The following ERBB4 variants were observed in gnomAD, a reference collection of about 807,000 sequenced individuals.
The protein encoded by ERBB4 is erb-b2 receptor tyrosine kinase 4, also known as receptor tyrosine-protein kinase erbB-4.
ERBB4 carries 42 observed loss-of-function variants against 158.0 expected under a neutral mutation model. That is an observed-to-expected ratio of 0.27 (90% CI 0.21 to 0.34). The LOEUF (loss-of-function observed/expected upper bound fraction) is 0.34, where lower values mean the gene tolerates loss of function less well. ERBB4 is among the 10% of genes least tolerant of loss of function. The pLI is 1.00. For missense variants in ERBB4, 1,333 were observed against 1,624.1 expected (o/e 0.82, Z 3.08); for synonymous variants, 583 against 558.7 (o/e 1.04, Z -0.61).
At chr2:211,823,994 G>C (rs1473928304) in intron 3 of ERBB4, among the ~76,000 whole-genome samples, 1 of 151,978 alleles carries the variant, frequency 6.6e-6, no homozygotes, top group Non-Finnish European at 1.5e-5. Context: ...TTACGACCAA[G>C]ACCAGCTTTG....
intron 16 of ERBB4, among the ~76,000 whole-genome samples, chr2:211,650,087 G>T (rs1418889556): frequency 6.6e-6 from 1 of 151,844 alleles, no homozygotes; most frequent in Non-Finnish European, 1.5e-5. Context: ...ATCACAGAAG[G>T]GGGTCTCAGT....
At chr2:211,598,512 T>TG (rs1311133772) in intron 19 of ERBB4, among the ~76,000 whole-genome samples, 4 of 152,122 alleles carry the variant, frequency 2.6e-5, no homozygotes, top group Non-Finnish European at 5.9e-5. Flanking sequence ...TATGTTAAAC[T>TG]GGGGTATGTT....
chr2:211,609,992 A>C (rs2069131821), intron 19 of ERBB4, among the ~76,000 whole-genome samples: 1 of 152,190 alleles, frequency 6.6e-6, no homozygotes, highest in Non-Finnish European at 1.5e-5. Flanking sequence ...ACGATCATAA[A>C]AAATTTTCTA....
At chr2:211,514,520 A>G (rs2065973320) in intron 20 of ERBB4, among the ~76,000 whole-genome samples, 1 of 152,188 alleles carries the variant, frequency 6.6e-6, no homozygotes, top group Admixed American at 6.5e-5. Flanking sequence ...ACAGTGACTC[A>G]ATCTTCACTA....
At chr2:211,545,925 G>C (rs1462713277) in intron 20 of ERBB4, among the ~76,000 whole-genome samples, 2 of 151,916 alleles carry the variant, frequency 1.3e-5, no homozygotes, top group East Asian at 1.9e-4. Context: ...TTAGGAAAAG[G>C]CTTCTTCATG....
chr2:211,383,005 T>C lies in ERBB4; in HGVS notation c.*610A>G, dbSNP rs1574500887. The C allele has an allele frequency of 8.6e-6, 2 of 232,714 alleles. No homozygotes were observed. The highest frequency in any genetic ancestry group is 1.7e-5 in the Non-Finnish European group (2 of 117,776). The allele number at this position is 232,714 out of a possible 1,614,324, so 14.4% of individuals were successfully genotyped here. The stretch of plus-strand genomic sequence containing the variant: ...GTGTTGAAAACATAATTACTAGTTA[T>C]AACTTTAATGGAGATTTTTAAATTA... On this transcript the variant is annotated 3_prime_UTR_variant, in exon 28 of 28. Coordinates refer to ENST00000342788, the MANE Select transcript of ERBB4 (RefSeq NM_005235.3).
intron 17 of ERBB4, among the ~76,000 whole-genome samples, chr2:211,627,791 C>T (rs1030581728): frequency 6.6e-6 from 1 of 152,174 alleles, no homozygotes; most frequent in Non-Finnish European, 1.5e-5. Flanking sequence ...TGAGAAGGGT[C>T]TGGTAATTCA....
At chr2:211,720,431 CAAT>C (rs1222554318) in intron 7 of ERBB4, among the ~76,000 whole-genome samples, 1 of 152,170 alleles carries the variant, frequency 6.6e-6, no homozygotes, top group Non-Finnish European at 1.5e-5. Flanking sequence ...TTGGCAAACT[CAAT>C]GATGAATTTC....
chr2:212,277,411 G>A (rs774370628), intron 1 of ERBB4, among the ~76,000 whole-genome samples: 2 of 151,676 alleles, frequency 1.3e-5, no homozygotes, highest in Admixed American at 6.6e-5. Flanking sequence ...GATTCTACAC[G>A]ATTTCACCCC....
chr2:211,734,620 T>TTAAA, intron 5 of ERBB4, among the ~76,000 whole-genome samples: 1 of 102,342 alleles, frequency 9.8e-6, no homozygotes, highest in Non-Finnish European at 1.9e-5. Context: ...GCTGTAGCAT[T>TTAAA]AAAAAAAAAA....
At chr2:211,488,829 G>A (rs760858061) in intron 20 of ERBB4, among the ~76,000 whole-genome samples, 1 of 151,984 alleles carries the variant, frequency 6.6e-6, no homozygotes, top group Non-Finnish European at 1.5e-5. Flanking sequence ...AAAGGTGAGA[G>A]CACCAATCCT....
intron 20 of ERBB4, among the ~76,000 whole-genome samples, chr2:211,487,475 A>G (rs576192005): frequency 6.6e-6 from 1 of 152,246 alleles, no homozygotes; most frequent in East Asian, 1.9e-4. Flanking sequence ...AACTATTAAT[A>G]AATATTTTGG....
At chr2:212,084,584 C>T (rs2078545721) in intron 2 of ERBB4, among the ~76,000 whole-genome samples, 1 of 151,912 alleles carries the variant, frequency 6.6e-6, no homozygotes, top group South Asian at 2.1e-4. Flanking sequence ...TGGGGAAAGA[C>T]ATTAAAAGTT....
intron 1 of ERBB4, among the ~76,000 whole-genome samples, chr2:212,314,740 C>T (rs943586111): frequency 1.3e-5 from 2 of 151,106 alleles, no homozygotes; most frequent in African/African-American, 2.4e-5. Flanking sequence ...TAGTCAACTG[C>T]TTAATTGTGA....
intron 2 of ERBB4, among the ~76,000 whole-genome samples, chr2:212,115,826 A>T (rs895511813): frequency 6.6e-6 from 1 of 152,116 alleles, no homozygotes; most frequent in Non-Finnish European, 1.5e-5. Flanking sequence ...TCTCATTTAA[A>T]ATTAAGACAA....
At chr2:212,061,231 C>A (rs540606818) in intron 2 of ERBB4, among the ~76,000 whole-genome samples, 1 of 151,032 alleles carries the variant, frequency 6.6e-6, no homozygotes, top group African/African-American at 2.4e-5. Flanking sequence ...CTGAGGTGGG[C>A]GGATCACTTG....
chr2:211,714,068 A>T lies in ERBB4; in HGVS notation c.884-420T>A, dbSNP rs1448679592. Among the ~76,000 whole-genome samples the T allele has an allele frequency of 2.0e-5, 3 of 152,352 alleles. No individual in the cohort carries two copies. The East Asian group carries it at 5.8e-4, about 29-fold the overall frequency. On this transcript the variant is annotated intron_variant, in intron 7 of 27. Transcript: ENST00000342788. Reference sequence around the variant, plus strand: ...TGCCTTGGATCAGAGTACATTTCACATCCAGGAGAAAATGCTCAAAATGTG... The same window carrying T: ...TGCCTTGGATCAGAGTACATTTCACTTCCAGGAGAAAATGCTCAAAATGTG...
chr2:212,075,149 AT>A (rs2078237675), intron 2 of ERBB4, among the ~76,000 whole-genome samples: 2 of 152,114 alleles, frequency 1.3e-5, no homozygotes, highest in South Asian at 4.1e-4. Context: ...CTTAAAAAAT[AT>A]AAAAGTGTTA....
Position 211,383,121 on chromosome 2 carries a change from T to C in ERBB4, c.*494A>G, listed in dbSNP as rs565989842. The C allele has an allele frequency of 7.2e-5, 17 of 236,054 alleles. No homozygotes were observed. In the South Asian group the frequency reaches 2.6e-3, roughly 36 times the overall value. 14.6% of individuals were successfully genotyped at this position (236,054 alleles called of 1,614,324 possible). A position where few individuals can be genotyped will look rare whatever the true frequency, so the allele number is the denominator to read the frequency against. ...CAATTTCAGACACCATCATATGTTA[T>C]AGAAAATGTTATTCTTTTGTTCTAA... On this transcript the variant is annotated 3_prime_UTR_variant, in exon 28 of 28. Coordinates refer to ENST00000342788, the MANE Select transcript of ERBB4 (RefSeq NM_005235.3).
Sources: allele counts gnomAD v4.1 joint callset (sites outside exome capture counted in the v4.1 genomes callset), GRCh38; gene constraint gnomAD v4.1.1; transcripts MANE v1.5; gene names NCBI Gene and HGNC (gene_info 2026-07-23, HGNC 2026-07-21).